The following SOD1 variants were observed in gnomAD, a reference collection of about 807,000 sequenced individuals.
SOD1 encodes superoxide dismutase [Cu-Zn].
In SOD1, 8 loss-of-function variants were observed where a neutral mutation model predicts 15.9. The ratio of observed to expected loss-of-function variants is 0.50; its 90% confidence interval spans 0.30 to 0.91. The LOEUF (loss-of-function observed/expected upper bound fraction) is 0.91, where lower values mean the gene tolerates loss of function less well. Among genes scored for constraint, SOD1 ranks in the 40% least tolerant of loss-of-function variants. The probability of loss-of-function intolerance (pLI) is 0.07; values close to 1 mark genes in which losing one functional copy is unlikely to be tolerated. For missense variants in SOD1, 137 were observed against 194.5 expected (o/e 0.70, Z 1.76); for synonymous variants, 86 against 71.2 (o/e 1.21, Z -1.04).
chr21:31,659,987 C>G, intron 1 of SOD1, 146 bp downstream of exon 1: 2 of 693,742 alleles, frequency 2.9e-6, no homozygotes, highest in Non-Finnish European at 2.3e-6. Flanking sequence ...CCGGTCGGTG[C>G]CTTCGCCCCC....
chr21:31,667,977 A>G (rs1223747425), intron 4 of SOD1, among the ~76,000 whole-genome samples: 2 of 150,868 alleles, frequency 1.3e-5, no homozygotes, highest in African/African-American at 4.9e-5. Flanking sequence ...AAAATCATTT[A>G]TAAAGGTTTG....
intron 1 of SOD1, among the ~76,000 whole-genome samples, chr21:31,663,049 A>G (rs1444805116): frequency 6.7e-6 from 1 of 148,696 alleles, no homozygotes; most frequent in Non-Finnish European, 1.5e-5. Context: ...ATGGACACTT[A>G]AAAACACTCA....
intron 4 of SOD1, among the ~76,000 whole-genome samples, chr21:31,667,737 TATTCATGTTC>T (rs1192996776): frequency 7.9e-5 from 12 of 152,226 alleles, no homozygotes; most frequent in East Asian, 1.9e-4. Context: ...TGGACTTAAG[TATTCATGTTC>T]ATTCATGTTC....
chr21:31,668,129 A>G (rs2049613600), intron 4 of SOD1, among the ~76,000 whole-genome samples: 1 of 152,184 alleles, frequency 6.6e-6, no homozygotes, highest in Non-Finnish European at 1.5e-5. Context: ...GCAATTAAAA[A>G]AACTGCCAAA....
chr21:31,668,544 G>A lies in SOD1; in HGVS notation c.431G>A (p.Arg144His). 1.9e-6 allele frequency: 3 copies of A among 1,613,916 alleles called. No individual in the cohort carries two copies. The highest frequency in any genetic ancestry group is 2.5e-6 in the Non-Finnish European group (3 of 1,179,820). The part of the protein sequence containing the change: ...ESTKTGNAGS[R>H]LACGVIGIAQ ...ACAAAGACAGGAAACGCTGGAAGTC[G>A]TTTGGCTTGTGGTGTAATTGGGATC... Residue 144 changes from arginine to histidine, a missense_variant, in exon 5 of 5, where the codon CGT (arginine) becomes CAT (histidine). Physicochemically the swap from Arg to His is conservative, Grantham distance 29. Transcript: ENST00000270142.
intron 2 of SOD1, 47 bp from the exon 3 acceptor site, chr21:31,666,402 G>A (rs766520850): frequency 2.1e-6 from 3 of 1,407,394 alleles, no homozygotes; most frequent in Middle Eastern, 3.6e-4. Flanking sequence ...ATGTATTTGG[G>A]AACTTTAATT....
intron 1 of SOD1, among the ~76,000 whole-genome samples, chr21:31,663,321 C>G (rs2123431401): frequency 6.6e-6 from 1 of 152,178 alleles, no homozygotes; most frequent in South Asian, 2.1e-4. Context: ...GCCTGGGCGA[C>G]AGAGCGAGAC....
intron 2 of SOD1, among the ~76,000 whole-genome samples, 171 bp downstream of exon 2, chr21:31,664,057 G>A (rs1354685829): frequency 1.3e-5 from 2 of 152,070 alleles, no homozygotes; most frequent in Admixed American, 6.6e-5. Flanking sequence ...GCTGACCTTA[G>A]CCTTGACCTC....
At chr21:31,666,866 A>T (rs1056439447) in intron 3 of SOD1, 13 of 224,768 alleles carry the variant, frequency 5.8e-5, no homozygotes, top group African/African-American at 1.4e-4. Context: ...TTCTGTAGAT[A>T]AAAAAAAAAA....
Position 31,668,751 on chromosome 21 carries a change from G to T in SOD1, c.*173G>T. On this transcript the variant is annotated 3_prime_UTR_variant, in exon 5 of 5. Transcript: ENST00000270142. ...GAAACTGATTTATGATCACTTGGAA[G>T]ATTTGTATAGTTTTATAAAACTCAG... 1.6e-6 allele frequency: 1 copy of T among 621,470 alleles called. No homozygotes were observed. 38.5% of individuals were successfully genotyped at this position (621,470 alleles called of 1,614,324 possible).
chr21:31,665,953 A>G (rs2123433966), intron 2 of SOD1, among the ~76,000 whole-genome samples: 1 of 149,728 alleles, frequency 6.7e-6, no homozygotes, highest in Non-Finnish European at 1.5e-5. Flanking sequence ...GTCAGACAGT[A>G]GTTAGAACTT....
At chr21:31,661,720 C>A in intron 1 of SOD1, 1 of 152,442 alleles carries the variant, frequency 6.6e-6, no homozygotes. Context: ...ATTGAGAATC[C>A]ATGCATGAAC....
Position 31,663,780 on chromosome 21 carries a change from T to A in SOD1, c.73-10T>A. On this transcript the variant is annotated splice_polypyrimidine_tract_variant and intron_variant, in intron 1 of 4. Coordinates refer to ENST00000270142, the MANE Select transcript of SOD1 (RefSeq NM_000454.5). ...CAGAAACTCTCTCCAACTTTGCACT[T>A]TTCTTAAAGGAAAGTAATGGACCAG... The A allele has an allele frequency of 6.2e-7, 1 of 1,604,568 alleles. No homozygotes were observed. The highest frequency in any genetic ancestry group is 8.5e-7 in the Non-Finnish European group (1 of 1,171,714).
In SOD1 at chr21:31,667,384, T is replaced by C. The variant is rs17886692; in HGVS notation, c.357+9T>C. ...TTGGCCGCACACTGGTGGTAAGTTT[T>C]CATAAAAGGATATGCATAAAACTTC... On this transcript the variant is annotated intron_variant, in intron 4 of 4. Transcript: ENST00000270142. The C allele has an allele frequency of 7.8e-5, 123 of 1,574,976 alleles. No individual in the cohort carries two copies. The African/African-American group carries it at 1.6e-3, about 21-fold the overall frequency.
In SOD1 at chr21:31,667,306, CG is replaced by C. The variant is rs780665387; in HGVS notation, c.289del (p.Asp97MetfsTer8). On this transcript the variant is annotated frameshift_variant, in exon 4 of 5. Transcript: ENST00000270142. LOFTEE classifies it high-confidence loss of function. ...TGACTGCTGACAAAGATGGTGTGGC[CG>C]ATGTGTCTATTGAAGATTCTGTGAT... is the stretch of plus-strand genomic sequence containing the variant. ...NVTADKDGVA[D>X]VSIEDSVISL... The C allele has an allele frequency of 1.2e-6, 2 of 1,614,032 alleles. No homozygotes were observed. The highest frequency in any genetic ancestry group is 1.7e-6 in the Non-Finnish European group (2 of 1,179,988).
chr21:31,666,895 C>A (rs904013781), intron 3 of SOD1: 12 of 390,808 alleles, frequency 3.1e-5, no homozygotes, highest in African/African-American at 2.2e-4. Context: ...GAAAACTAGT[C>A]GAGACTCCAT....
At chr21:31,659,889 C>G in intron 1 of SOD1, 48 bp downstream of exon 1, 11 of 1,576,054 alleles carry the variant, frequency 7.0e-6, no homozygotes, top group Non-Finnish European at 9.6e-6. Context: ...CCCACCCGCT[C>G]GTCCCCCCGC....
intron 1 of SOD1, among the ~76,000 whole-genome samples, chr21:31,662,535 G>A (rs2123430616): frequency 6.6e-6 from 1 of 152,244 alleles, no homozygotes; most frequent in South Asian, 2.1e-4. Flanking sequence ...TGTAGCCACG[G>A]AGCACCATTA....
In SOD1 at chr21:31,662,317, G is replaced by A. The variant is rs549208481; in HGVS notation, c.73-1473G>A. On this transcript the variant is annotated intron_variant, in intron 1 of 4. Coordinates refer to ENST00000270142, the MANE Select transcript of SOD1 (RefSeq NM_000454.5). Reference sequence around the variant, plus strand: ...GTCAAAAAGAAAAGAATTTAAAAAGGCAGCAATTGCCAGGATACTTCATTT... The same window carrying A: ...GTCAAAAAGAAAAGAATTTAAAAAGACAGCAATTGCCAGGATACTTCATTT... Among the ~76,000 whole-genome samples the A allele has an allele frequency of 5.3e-4, 80 of 152,290 alleles. 2 individuals carry two copies. Among genetic ancestry groups the A allele is most frequent in the South Asian group, 8.3e-4 (4 of 4,810 alleles).
Sources: allele counts gnomAD v4.1 joint callset (sites outside exome capture counted in the v4.1 genomes callset), GRCh38; gene constraint gnomAD v4.1.1; transcripts MANE v1.5; gene names NCBI Gene and HGNC (gene_info 2026-07-23, HGNC 2026-07-21).